CREM: variants seen among roughly 807,000 people sequenced by gnomAD.
CREM encodes cAMP responsive element modulator.
A neutral mutation model predicts 37.3 loss-of-function variants in CREM; 13 were observed. The ratio of observed to expected loss-of-function variants is 0.35; its 90% CI spans 0.23 to 0.55. The LOEUF is 0.55. Ranked by LOEUF, CREM falls within the 20% of genes least tolerant of loss-of-function variation. The probability of loss-of-function intolerance (pLI) is 0.88; values close to 1 mark genes in which losing one functional copy is unlikely to be tolerated. For synonymous variants in CREM, 124 were observed against 120.2 expected (o/e 1.03, Z -0.21); for missense variants, 296 against 362.3 (o/e 0.82, Z 1.49).
chr10:35,137,291 A>G (rs1015863912), intron 1 of CREM, among the ~76,000 whole-genome samples: 1 of 152,182 alleles, frequency 6.6e-6, no homozygotes, highest in African/African-American at 2.4e-5. Context: ...TTTTGTTTGG[A>G]GTTTAATTTT....
intron 3 of CREM, among the ~76,000 whole-genome samples, chr10:35,177,077 CAA>C (rs11343403): frequency 4.1e-5 from 6 of 145,562 alleles, no homozygotes; most frequent in South Asian, 2.2e-4. Context: ...TAATTGATGA[CAA>C]AAAAAAAAAT....
chr10:35,166,368 C>T (rs996234963), intron 3 of CREM, among the ~76,000 whole-genome samples: 1 of 151,834 alleles, frequency 6.6e-6, no homozygotes, highest in African/African-American at 2.4e-5. Flanking sequence ...TCGAGATCAG[C>T]CTGACAACAT....
intron 7 of CREM, chr10:35,209,215 T>C (rs1322042298): frequency 1.4e-6 from 1 of 691,102 alleles, no homozygotes; most frequent in African/African-American, 1.9e-5. Context: ...ATAGATCTCT[T>C]ACATATTTTC....
intron 1 of CREM, chr10:35,127,407 C>G (rs1322514353): frequency 1.3e-5 from 2 of 151,978 alleles, no homozygotes; most frequent in Non-Finnish European, 2.9e-5. Flanking sequence ...TCGGCGCCCC[C>G]GAGGCCGCCG....
chr10:35,189,626 C>G (rs942446372), intron 6 of CREM, among the ~76,000 whole-genome samples: 1 of 152,136 alleles, frequency 6.6e-6, no homozygotes, highest in Non-Finnish European at 1.5e-5. Flanking sequence ...AGCAATTCTT[C>G]TGCCTCAGCC....
At chr10:35,165,704 C>G (rs1324780122) in intron 3 of CREM, among the ~76,000 whole-genome samples, 1 of 150,942 alleles carries the variant, frequency 6.6e-6, no homozygotes, top group Admixed American at 6.6e-5. Flanking sequence ...TTTTATAGTA[C>G]TTTAATATAT....
At chr10:35,171,299 G>T (rs113461583) in intron 3 of CREM, 21,470 of 150,384 alleles carry the variant, frequency 0.14, 1,838 homozygotes, top group East Asian at 0.24. Flanking sequence ...AGCCTCATGA[G>T]TAGCTGGGAT....
chr10:35,163,822 C>CA (rs1199161593), intron 3 of CREM, among the ~76,000 whole-genome samples: 1 of 150,228 alleles, frequency 6.7e-6, no homozygotes, highest in Non-Finnish European at 1.5e-5. Context: ...ACTCCGTCTC[C>CA]AAAAAACAAA....
intron 5 of CREM, chr10:35,179,981 T>A (rs1182601483): frequency 6.6e-6 from 1 of 152,214 alleles, no homozygotes; most frequent in East Asian, 1.9e-4. Context: ...AGGAGAAAGG[T>A]TAGGGATATC....
At chr10:35,172,069 TCC>T (rs1255091624) in intron 3 of CREM, among the ~76,000 whole-genome samples, 4 of 152,204 alleles carry the variant, frequency 2.6e-5, no homozygotes, top group Admixed American at 6.5e-5. Context: ...TGTCCCAATT[TCC>T]TGAGCTGATG....
intron 1 of CREM, among the ~76,000 whole-genome samples, chr10:35,128,129 C>T (rs1168194711): frequency 1.3e-5 from 2 of 152,202 alleles, no homozygotes; most frequent in East Asian, 3.9e-4. Context: ...TGAGCCGCCG[C>T]GCCTGGCCTC....
At chr10:35,185,106 CTTTTTTT>C (rs34532646) in intron 5 of CREM, among the ~76,000 whole-genome samples, 1 of 135,414 alleles carries the variant, frequency 7.4e-6, no homozygotes, top group East Asian at 2.1e-4. Flanking sequence ...CTTTGTACTT[CTTTTTTT>C]TTTTTTTTTG....
chr10:35,156,491 C>G (rs975940084), intron 3 of CREM, among the ~76,000 whole-genome samples: 2 of 152,136 alleles, frequency 1.3e-5, no homozygotes, highest in African/African-American at 2.4e-5. Flanking sequence ...CTCAAGTGAT[C>G]CTCCCTCTTC....
At chr10:35,202,458 G>A (rs963875531) in intron 6 of CREM, among the ~76,000 whole-genome samples, 1 of 152,130 alleles carries the variant, frequency 6.6e-6, no homozygotes, top group Non-Finnish European at 1.5e-5. Context: ...GTCTTGCTAT[G>A]TTGCCCAGGC....
chr10:35,147,469 C>G (rs2092259981), intron 2 of CREM, among the ~76,000 whole-genome samples: 1 of 152,090 alleles, frequency 6.6e-6, no homozygotes, highest in Non-Finnish European at 1.5e-5. Flanking sequence ...CTAACTTAAA[C>G]TGAATTCATA....
At chr10:35,205,822 G>A (rs181288573) in intron 6 of CREM, among the ~76,000 whole-genome samples, 68 of 152,274 alleles carry the variant, frequency 4.5e-4, no homozygotes, top group African/African-American at 1.5e-3. Context: ...GCCAGGTGTC[G>A]TGGTGCACGC....
intron 2 of CREM, among the ~76,000 whole-genome samples, chr10:35,143,755 G>A (rs540332667): frequency 2.6e-5 from 4 of 152,248 alleles, no homozygotes; most frequent in South Asian, 4.2e-4. Context: ...GGGTTTTTAC[G>A]AGGGAGTAAA....
Position 35,148,572 on chromosome 10 carries a change from A to G in CREM, c.168+81A>G, listed in dbSNP as rs1294146103. 4.1e-6 allele frequency: 6 copies of G among 1,461,444 alleles called. No individual in the cohort carries two copies. The East Asian group carries it at 1.2e-4, about 29-fold the overall frequency. The allele number at this position is 1,461,444 out of a possible 1,614,324, so 90.5% of individuals were successfully genotyped here. A position where few individuals can be genotyped will look rare whatever the true frequency, so the allele number is the denominator to read the frequency against. On this transcript the variant is annotated intron_variant, in intron 3 of 7. Coordinates refer to ENST00000685392, the MANE Select transcript of CREM (RefSeq NM_183011.2). The stretch of plus-strand genomic sequence containing the variant: ...TGCAGATTCTGTTTTCTTGCCATTG[A>G]TCTTAAATTTTCCATGTTCCCTGGT...
chr10:35,145,890 A>G (rs193250478), intron 2 of CREM, among the ~76,000 whole-genome samples: 2 of 152,210 alleles, frequency 1.3e-5, no homozygotes, highest in East Asian at 3.9e-4. Flanking sequence ...TTGTTTGCAT[A>G]TAAGAAGTTA....
Sources: allele counts gnomAD v4.1 joint callset (sites outside exome capture counted in the v4.1 genomes callset), GRCh38; gene constraint gnomAD v4.1.1; transcripts MANE v1.5; gene names NCBI Gene and HGNC (gene_info 2026-07-23, HGNC 2026-07-21).